The following DCAF1 variants were observed in gnomAD, a reference collection of about 807,000 sequenced individuals.
DCAF1 encodes the protein DDB1- and CUL4-associated factor 1.
In DCAF1, 15 loss-of-function variants were observed where a neutral mutation model predicts 128.0. The ratio of observed to expected loss-of-function variants is 0.12; its 90% CI spans 0.08 to 0.18. The LOEUF is 0.18. Ranked by LOEUF, DCAF1 falls within the 10% of genes least tolerant of loss-of-function variation. The pLI is 1.00. For missense variants in DCAF1, 988 were observed against 1,649.5 expected (o/e 0.60, Z 6.95); for synonymous variants, 610 against 603.0 (o/e 1.01, Z -0.17).
intron 6 of DCAF1, among the ~76,000 whole-genome samples, chr3:51,444,437 G>A (rs972634115): frequency 3.3e-5 from 5 of 151,184 alleles, no homozygotes; most frequent in East Asian, 3.9e-4. Flanking sequence ...TGCAACCTCC[G>A]TCTCCCAGGT....
intron 19 of DCAF1, 113 bp downstream of exon 19, chr3:51,414,511 A>G: frequency 2.1e-6 from 3 of 1,421,548 alleles, no homozygotes; most frequent in East Asian, 2.4e-5. Context: ...CAGGCACCAT[A>G]TTATTACCAG....
At chr3:51,480,318 C>T (rs1390439323) in intron 3 of DCAF1, among the ~76,000 whole-genome samples, 4 of 151,794 alleles carry the variant, frequency 2.6e-5, no homozygotes, top group African/African-American at 9.7e-5. Flanking sequence ...TTAATCCAGC[C>T]GGGCAGGGTG....
upstream of DCAF1, among the ~76,000 whole-genome samples, chr3:51,502,293 A>G (rs1361035439): frequency 1.3e-5 from 2 of 152,158 alleles, no homozygotes; most frequent in Non-Finnish European, 2.9e-5. Context: ...TAATCCCAGC[A>G]CTTTGAGGGG....
chr3:51,489,971 T>C (rs1553657184), intron 2 of DCAF1, among the ~76,000 whole-genome samples: 1 of 151,998 alleles, frequency 6.6e-6, no homozygotes, highest in East Asian at 1.9e-4. Context: ...AATAAATGAA[T>C]TCAGCAAAGT....
At chr3:51,485,985 G>A (rs1290310564) in intron 2 of DCAF1, among the ~76,000 whole-genome samples, 1 of 150,914 alleles carries the variant, frequency 6.6e-6, no homozygotes, top group Non-Finnish European at 1.5e-5. Flanking sequence ...TCTACCTGCT[G>A]GGTTCAAGCG....
chr3:51,425,196 G>A (rs1699792566), intron 13 of DCAF1, among the ~76,000 whole-genome samples: 1 of 152,036 alleles, frequency 6.6e-6, no homozygotes, highest in African/African-American at 2.4e-5. Context: ...ATACAGGCCG[G>A]ACCGTGTTTC....
At chr3:51,489,056 C>G (rs1553656742) in intron 2 of DCAF1, among the ~76,000 whole-genome samples, 1 of 152,210 alleles carries the variant, frequency 6.6e-6, no homozygotes, top group Non-Finnish European at 1.5e-5. Context: ...CACTACACTC[C>G]ATGGTGAAAG....
intron 1 of DCAF1, among the ~76,000 whole-genome samples, chr3:51,497,504 T>G (rs1338563098): frequency 1.3e-5 from 2 of 152,036 alleles, no homozygotes; most frequent in East Asian, 3.9e-4. Context: ...GGAGAATCGC[T>G]TGAACCCGGG....
intron 24 of DCAF1, 111 bp from the exon 25 acceptor site, chr3:51,398,938 A>C: frequency 1.5e-6 from 2 of 1,349,870 alleles, no homozygotes; most frequent in Non-Finnish European, 1.0e-6. Context: ...GTTAACTACC[A>C]GTTTCCAGAA....
chr3:51,412,762 C>CA (rs1475077933), intron 22 of DCAF1, among the ~76,000 whole-genome samples: 1 of 151,846 alleles, frequency 6.6e-6, no homozygotes. Flanking sequence ...AGTGTGAGTC[C>CA]AGAAAAAAAG....
At chr3:51,460,928 T>C (rs1703483207) in intron 6 of DCAF1, among the ~76,000 whole-genome samples, 5 of 151,934 alleles carry the variant, frequency 3.3e-5, no homozygotes. Flanking sequence ...GATTAAAGAC[T>C]TAAATGTTAG....
chr3:51,407,234 T>C (rs1697929473), intron 23 of DCAF1, among the ~76,000 whole-genome samples: 1 of 152,082 alleles, frequency 6.6e-6, no homozygotes. Context: ...ACATGTCATA[T>C]TTTGCTAAAT....
intron 24 of DCAF1, among the ~76,000 whole-genome samples, chr3:51,400,034 G>A (rs1428699788): frequency 6.6e-6 from 1 of 152,128 alleles, no homozygotes; most frequent in East Asian, 1.9e-4. Context: ...GTGGACAAAG[G>A]AAAACCAAGA....
chr3:51,426,713 C>G (rs1042133196), intron 13 of DCAF1, among the ~76,000 whole-genome samples: 5 of 152,122 alleles, frequency 3.3e-5, no homozygotes, highest in Non-Finnish European at 7.4e-5. Context: ...TTACTATATT[C>G]CCCTAAATAA....
chr3:51,472,434 G>A (rs559261687), intron 3 of DCAF1, among the ~76,000 whole-genome samples: 4 of 151,928 alleles, frequency 2.6e-5, no homozygotes, highest in Non-Finnish European at 4.4e-5. Flanking sequence ...GGAGTCTAGT[G>A]GCTATTTACA....
chr3:51,405,896 C>T (rs1482715337), intron 23 of DCAF1, among the ~76,000 whole-genome samples: 5 of 152,106 alleles, frequency 3.3e-5, no homozygotes, highest in South Asian at 2.1e-4. Flanking sequence ...TAGCTGGGCA[C>T]AACGGCACAC....
chr3:51,468,666 A>G (rs181892818), intron 4 of DCAF1, among the ~76,000 whole-genome samples: 109 of 152,316 alleles, frequency 7.2e-4, no homozygotes, highest in Non-Finnish European at 8.2e-4. Flanking sequence ...GAAAAGTATC[A>G]CAAAAACAAA....
intron 2 of DCAF1, among the ~76,000 whole-genome samples, chr3:51,490,258 A>C (rs1553657344): frequency 6.6e-6 from 1 of 152,132 alleles, no homozygotes; most frequent in African/African-American, 2.4e-5. Context: ...TTTACAAAAA[A>C]GGCAAAAAAT....
At chr3:51,486,825 A>C (rs1273778333) in intron 2 of DCAF1, among the ~76,000 whole-genome samples, 1 of 150,800 alleles carries the variant, frequency 6.6e-6, no homozygotes, top group East Asian at 2.0e-4. Flanking sequence ...GTAGAGATAG[A>C]GTTTCACCAT....
Sources: allele counts gnomAD v4.1 joint callset (sites outside exome capture counted in the v4.1 genomes callset), GRCh38; gene constraint gnomAD v4.1.1; transcripts MANE v1.5; gene names NCBI Gene and HGNC (gene_info 2026-07-23, HGNC 2026-07-21).